EPM2A: variants seen among roughly 807,000 people sequenced by gnomAD.
EPM2A encodes laforin.
Under a neutral mutation model 26.5 loss-of-function variants are expected in EPM2A, and 21 were observed. The ratio of observed to expected loss-of-function variants is 0.79; its 90% CI spans 0.56 to 1.14. The LOEUF is 1.14. EPM2A is among the 50% of genes most tolerant of loss of function. EPM2A has a pLI of 0.00. For synonymous variants in EPM2A, 217 were observed against 177.6 expected, an observed-to-expected ratio of 1.22 and a Z score of -1.76; for missense variants, 458 against 440.8, an observed-to-expected ratio of 1.04 and a Z score of -0.35.
chr6:145,402,055 A>T (rs532271742), intron 4 of EPM2A, among the ~76,000 whole-genome samples: 9 of 152,114 alleles, frequency 5.9e-5, no homozygotes, highest in Non-Finnish European at 1.2e-4. Context: ...CTAGTGGGTG[A>T]GTGTGGGGAA....
intron 2 of EPM2A, among the ~76,000 whole-genome samples, chr6:145,586,741 C>A (rs1007501884): frequency 1.3e-5 from 2 of 152,126 alleles, no homozygotes; most frequent in South Asian, 4.1e-4. Flanking sequence ...TCCTCCACAA[C>A]CCTAACCTAA....
At chr6:145,628,360 A>G (rs1775984438) in intron 3 of EPM2A, 1 of 153,704 alleles carries the variant, frequency 6.5e-6, no homozygotes, top group Non-Finnish European at 1.4e-5. Flanking sequence ...TGATTATTAG[A>G]TTATTCAAAT....
At chr6:145,438,665 G>A (rs1314053323) in intron 4 of EPM2A, among the ~76,000 whole-genome samples, 1 of 151,856 alleles carries the variant, frequency 6.6e-6, no homozygotes, top group Non-Finnish European at 1.5e-5. Context: ...GTAGAGACGG[G>A]GTTTCACCAT....
At chr6:145,417,448 C>T (rs1398999272) in intron 4 of EPM2A, among the ~76,000 whole-genome samples, 1 of 152,084 alleles carries the variant, frequency 6.6e-6, no homozygotes, top group Admixed American at 6.6e-5. Context: ...GGATTGAGTT[C>T]GTCAGGCTCA....
In EPM2A at chr6:145,683,932, A is replaced by G. The variant is rs548329222; in HGVS notation, c.476+2190T>C. ...ACAACTAATAATCATGTTACCTAAA[A>G]CAATAATAACACAAAAAAGAAAGAT... On this transcript the variant is annotated intron_variant, in intron 2 of 3. Transcript: ENST00000367519. Among the ~76,000 whole-genome samples the G allele has an allele frequency of 7.2e-5, 11 of 152,300 alleles. No homozygotes were observed. The South Asian group carries it at 1.9e-3, about 26-fold the overall frequency.
intron 2 of EPM2A, among the ~76,000 whole-genome samples, chr6:145,652,516 A>C (rs1231363869): frequency 6.6e-6 from 1 of 152,144 alleles, no homozygotes; most frequent in African/African-American, 2.4e-5. Context: ...AATATACATT[A>C]AAAATACATG....
intron 2 of EPM2A, among the ~76,000 whole-genome samples, chr6:145,513,192 C>T (rs115133334): frequency 1.2e-3 from 181 of 152,088 alleles, no homozygotes; most frequent in African/African-American, 4.2e-3. Flanking sequence ...CTATAAGAAA[C>T]TCAAACAACT....
rs548465585 is a variant in EPM2A at position 145,398,057 on chromosome 6, A to G, written c.556-13960T>C. Among the ~76,000 whole-genome samples, 5 of 152,022 alleles carry G rather than the reference A, an allele frequency of 3.3e-5. No individual in the cohort carries two copies. In the East Asian group the frequency reaches 7.7e-4, roughly 24 times the overall value. ...CCCACCCCCACCTTGCTAAATGCAC[A>G]TCTATTTTCTAATTGTTTTAATTGT... On this transcript the variant is annotated intron_variant, in intron 4 of 4. Transcript: ENST00000638717.
chr6:145,553,750 T>A (rs1011899583), intron 2 of EPM2A, among the ~76,000 whole-genome samples: 1 of 150,826 alleles, frequency 6.6e-6, no homozygotes, highest in African/African-American at 2.4e-5. Context: ...ATTTTATTAT[T>A]TGTCCTGGAG....
intron 2 of EPM2A, among the ~76,000 whole-genome samples, chr6:145,602,033 T>C (rs1781423370): frequency 6.6e-6 from 1 of 152,176 alleles, no homozygotes. Flanking sequence ...GTATAAATGC[T>C]CTCTTTCCCG....
At chr6:145,572,690 C>A (rs939703843) in intron 2 of EPM2A, among the ~76,000 whole-genome samples, 2 of 152,126 alleles carry the variant, frequency 1.3e-5, no homozygotes, top group African/African-American at 2.4e-5. Flanking sequence ...ATGGGGCCTG[C>A]CAAAGGCTCT....
chr6:145,541,336 ATG>A (rs529909986), intron 2 of EPM2A, among the ~76,000 whole-genome samples: 5 of 125,266 alleles, frequency 4.0e-5, no homozygotes, highest in African/African-American at 8.3e-5. Flanking sequence ...GTGTATATAT[ATG>A]TGTGTGTGTA....
In EPM2A at chr6:145,735,292, C is replaced by T; in HGVS notation, c.207G>A (p.Glu69=). Residue 69 remains glutamate, a synonymous_variant, in exon 1 of 4, where the codon GAG becomes GAA. Transcript: ENST00000367519. ...LWLGEVELAA[E]EAAQDGAEPG... is the part of the protein sequence containing the mutation. ...GCTCCGCCCCGTCCTGCGCCGCCTC[C>T]TCGGCCGCCAGCTCCACCTCCCCGA... 4.0e-6 allele frequency: 6 copies of T among 1,483,200 alleles called. No individual in the cohort carries two copies. The highest frequency in any genetic ancestry group is 5.4e-6 in the Non-Finnish European group (6 of 1,114,734). 91.9% of individuals were successfully genotyped at this position (1,483,200 alleles called of 1,614,324 possible). A position where few individuals can be genotyped will look rare whatever the true frequency, so the allele number is the denominator to read the frequency against.
intron 4 of EPM2A, among the ~76,000 whole-genome samples, chr6:145,460,340 C>T (rs1168212021): frequency 6.6e-6 from 1 of 152,180 alleles, no homozygotes. Context: ...TTGTCACCAA[C>T]AAACTGTATG....
chr6:145,562,181 A>T (rs1780815995), intron 2 of EPM2A, among the ~76,000 whole-genome samples: 2 of 151,912 alleles, frequency 1.3e-5, no homozygotes, highest in South Asian at 4.1e-4. Context: ...GCTCAGTTCA[A>T]GTAATTAACA....
At chr6:145,726,097 GA>G (rs1776191663) in intron 1 of EPM2A, among the ~76,000 whole-genome samples, 1 of 151,930 alleles carries the variant, frequency 6.6e-6, no homozygotes, top group African/African-American at 2.4e-5. Flanking sequence ...AGACATAAAA[GA>G]TGATCTCAGA....
intron 4 of EPM2A, among the ~76,000 whole-genome samples, chr6:145,472,729 T>A (rs1479409879): frequency 2.6e-5 from 4 of 152,172 alleles, no homozygotes; most frequent in Non-Finnish European, 4.4e-5. Context: ...GTGTTTTGAA[T>A]GCTAGCTCAG....
chr6:145,467,944 T>A (rs1318126054), intron 4 of EPM2A, among the ~76,000 whole-genome samples: 1 of 152,104 alleles, frequency 6.6e-6, no homozygotes, highest in African/African-American at 2.4e-5. Flanking sequence ...TCCTTAGTTT[T>A]AATAGTTTTT....
At chr6:145,713,585 A>G (rs1327855793) in intron 1 of EPM2A, among the ~76,000 whole-genome samples, 1 of 152,192 alleles carries the variant, frequency 6.6e-6, no homozygotes, top group Non-Finnish European at 1.5e-5. Context: ...AATACACAAA[A>G]TAACAAGAAT....
Sources: allele counts gnomAD v4.1 joint callset (sites outside exome capture counted in the v4.1 genomes callset), GRCh38; gene constraint gnomAD v4.1.1; transcripts MANE v1.5; gene names NCBI Gene and HGNC (gene_info 2026-07-23, HGNC 2026-07-21).